The following KCNG2 variants were observed in gnomAD, a reference collection of about 807,000 sequenced individuals.
KCNG2 encodes the protein voltage-gated potassium channel regulatory subunit KCNG2.
A neutral mutation model predicts 12.3 loss-of-function variants in KCNG2; 7 were observed. The observed-to-expected ratio is 0.57, with a 90% confidence interval of 0.32 to 1.07. The LOEUF (loss-of-function observed/expected upper bound fraction) is 1.07, where lower values mean the gene tolerates loss of function less well. Ranked by LOEUF, KCNG2 falls within the 50% of genes least tolerant of loss-of-function variation. The pLI is 0.04. For missense variants in KCNG2, 703 were observed against 726.0 expected (o/e 0.97, Z 0.36); for synonymous variants, 414 against 351.4 (o/e 1.18, Z -1.99).
chr18:79,827,571 T>A (rs1456402149), intron 1 of KCNG2, among the ~76,000 whole-genome samples: 1 of 152,184 alleles, frequency 6.6e-6, no homozygotes, highest in East Asian at 1.9e-4. Context: ...GCAGAGGCCC[T>A]GGAGTCCCAG....
At chr18:79,843,764 G>A (rs369465549) in intron 1 of KCNG2, among the ~76,000 whole-genome samples, 24 of 152,122 alleles carry the variant, frequency 1.6e-4, no homozygotes, top group African/African-American at 3.1e-4. Flanking sequence ...CAAAGCATAC[G>A]CTATGAAAAA....
chr18:79,823,024 A>T (rs1298479909), intron 1 of KCNG2, among the ~76,000 whole-genome samples: 3 of 152,114 alleles, frequency 2.0e-5, no homozygotes, highest in African/African-American at 7.2e-5. Flanking sequence ...CCATGGGGAG[A>T]CAGCCTTAGT....
At chr18:79,824,701 T>C (rs919737857) in intron 1 of KCNG2, among the ~76,000 whole-genome samples, 1 of 152,152 alleles carries the variant, frequency 6.6e-6, no homozygotes, top group Non-Finnish European at 1.5e-5. Context: ...AAAGGCTGCT[T>C]GGTATCTATG....
At chr18:79,838,482 C>T (rs914228217) in intron 1 of KCNG2, among the ~76,000 whole-genome samples, 7 of 151,236 alleles carry the variant, frequency 4.6e-5, no homozygotes, top group Non-Finnish European at 8.8e-5. Context: ...GCAATCATGG[C>T]TCATTGCAGC....
intron 1 of KCNG2, among the ~76,000 whole-genome samples, chr18:79,828,785 TG>T (rs1978288412): frequency 7.6e-6 from 1 of 131,854 alleles, no homozygotes; most frequent in Admixed American, 7.5e-5. Flanking sequence ...CGTGTCTGTG[TG>T]TGCATGTGTC....
At chr18:79,802,453 C>T (rs571913904) in intron 1 of KCNG2, among the ~76,000 whole-genome samples, 6 of 152,086 alleles carry the variant, frequency 3.9e-5, no homozygotes, top group African/African-American at 9.7e-5. Context: ...CGCTCCGGTC[C>T]GGAGAGCCTG....
At chr18:79,851,167 C>T (rs4798919) in intron 1 of KCNG2, among the ~76,000 whole-genome samples, 137,790 of 152,154 alleles carry the variant, frequency 0.91, 64,014 homozygotes, top group East Asian at 1. Flanking sequence ...TGTTTATATA[C>T]AAGACAAAAA....
At chr18:79,870,033 G>T (rs1979768662) in intron 3 of KCNG2, among the ~76,000 whole-genome samples, 1 of 152,216 alleles carries the variant, frequency 6.6e-6, no homozygotes, top group Non-Finnish European at 1.5e-5. Context: ...CCACCTCTGG[G>T]CCCCCAGCCA....
chr18:79,822,198 G>A lies in KCNG2; in HGVS notation c.-115+24184G>A, dbSNP rs2087575767. Among the ~76,000 whole-genome samples, 1 of 152,152 alleles carries A rather than the reference G, an allele frequency of 6.6e-6. No individual in the cohort carries two copies. Among genetic ancestry groups the A allele is most frequent in the Non-Finnish European group, 1.5e-5 (1 of 68,034 alleles). On this transcript the variant is annotated intron_variant, in intron 1 of 3. Transcript: ENST00000316249. This position sits in a 1 kb window ranked among gnomAD's most constrained non-coding sequence, Gnocchi z 4.4. ...TTTTTAGACTTATAGGAAAGTTGCA[G>A]ATTCATAGAGGTTCCCATGTCTCCC...
chr18:79,850,962 C>A (rs1206537395), intron 1 of KCNG2, among the ~76,000 whole-genome samples: 3 of 152,172 alleles, frequency 2.0e-5, no homozygotes, highest in African/African-American at 7.2e-5. Context: ...TCCGTGGAGT[C>A]TTCGTGTTAC....
At position 79,898,038 on chromosome 18, in the gene KCNG2, C is replaced by CA. The variant is rs141461752; in HGVS notation, c.625-1001dup. ...GCTCCTGCCAGCTGTCTTCTCCCCT[C>CA]ATTCCCCGGCACCTTAGCCAGCGTG... On this transcript the variant is annotated intron_variant, in intron 3 of 3. Transcript: ENST00000316249. Among the ~76,000 whole-genome samples the CA allele has an allele frequency of 2.2e-3, 334 of 152,340 alleles. 1 individual carries two copies. Among genetic ancestry groups the CA allele is most frequent in the African/African-American group, 7.7e-3 (322 of 41,574 alleles).
At chr18:79,875,384 T>C (rs763522554) in intron 3 of KCNG2, among the ~76,000 whole-genome samples, 7 of 152,192 alleles carry the variant, frequency 4.6e-5, no homozygotes, top group Non-Finnish European at 7.3e-5. Context: ...CGAGCACACA[T>C]TTCCATCTGC....
chr18:79,867,616 G>C (rs946485471), intron 3 of KCNG2, among the ~76,000 whole-genome samples: 2 of 151,556 alleles, frequency 1.3e-5, no homozygotes, highest in African/African-American at 4.9e-5. Flanking sequence ...CGTGAGCTCC[G>C]GGCCCTGGGC....
At position 79,798,123 on chromosome 18, in the gene KCNG2, C is replaced by T. The variant is rs973182849; in HGVS notation, c.-115+109C>T. ...CGCGGGCTCCTGTCTGATGGTTCCG[C>T]GCGCAGCTTCTTCTCCGGGTGCGCG... On this transcript the variant is annotated intron_variant, in intron 1 of 3. Transcript: ENST00000316249. Among the ~76,000 whole-genome samples, 36 of 151,246 alleles carry T rather than the reference C, an allele frequency of 2.4e-4. No homozygotes were observed. The East Asian group carries it at 7.1e-3, about 30-fold the overall frequency.
chr18:79,853,933 C>G (rs1978914566), intron 1 of KCNG2, among the ~76,000 whole-genome samples: 2 of 152,230 alleles, frequency 1.3e-5, no homozygotes. Flanking sequence ...GCTTCCCCCT[C>G]TGGTTTCCAA....
intron 1 of KCNG2, among the ~76,000 whole-genome samples, chr18:79,826,322 T>A (rs1002543524): frequency 6.6e-6 from 1 of 152,240 alleles, no homozygotes; most frequent in Non-Finnish European, 1.5e-5. Flanking sequence ...TGGAGGCCCC[T>A]CCAGAGCCAG....
rs1441684853 is a variant in KCNG2 at position 79,800,812 on chromosome 18, G to C, written c.-115+2798G>C. ...GGTTTGTAGGGACAGGTCTGCTTGG[G>C]GAACCACAGCGAGGGGCACCCGAAG... On this transcript the variant is annotated intron_variant, in intron 1 of 3. Coordinates refer to ENST00000316249, the MANE Select transcript of KCNG2 (RefSeq NM_012283.2). The surrounding 1 kb of genome is among the most constrained non-coding windows in gnomAD (Gnocchi z 4.0). Among the ~76,000 whole-genome samples, 1 of 152,340 alleles carries C rather than the reference G, an allele frequency of 6.6e-6. No homozygotes were observed. The highest frequency in any genetic ancestry group is 2.4e-5 in the African/African-American group (1 of 41,586).
At chr18:79,865,859 GAGGTCTGTGGGCTGAA>G (rs1979495019) in intron 3 of KCNG2, among the ~76,000 whole-genome samples, 1 of 76,340 alleles carries the variant, frequency 1.3e-5, no homozygotes, top group Admixed American at 1.4e-4. Flanking sequence ...TGTGTGCTGA[GAGGTCTGTGGGCTGAA>G]GTCTGGGTGC....
chr18:79,891,777 A>G (rs907903914), intron 3 of KCNG2, among the ~76,000 whole-genome samples: 1 of 152,112 alleles, frequency 6.6e-6, no homozygotes, highest in South Asian at 2.1e-4. Context: ...GGTTGGTTCT[A>G]TGGCCTGGTA....
Sources: allele counts gnomAD v4.1 joint callset (sites outside exome capture counted in the v4.1 genomes callset), GRCh38; gene constraint gnomAD v4.1.1; non-coding constraint Gnocchi (gnomAD v3.1); transcripts MANE v1.5; gene names NCBI Gene and HGNC (gene_info 2026-07-23, HGNC 2026-07-21).